Variants in DDAH1 observed in about 807,000 individuals in gnomAD.
DDAH1 encodes dimethylarginine dimethylaminohydrolase 1, also known as N(G),N(G)-dimethylarginine dimethylaminohydrolase 1.
DDAH1 carries 19 observed loss-of-function variants against 28.8 expected under a neutral mutation model. That is an observed-to-expected ratio of 0.66 (90% CI 0.46 to 0.97). DDAH1 has a LOEUF of 0.97. Ranked by LOEUF, DDAH1 falls within the 50% of genes least tolerant of loss-of-function variation. The pLI is 0.00. For synonymous variants in DDAH1, 153 were observed against 154.4 expected (o/e 0.99, Z 0.07); for missense variants, 326 against 375.9 (o/e 0.87, Z 1.10).
At chr1:85,509,058 T>A (rs557727257) in intron 1 of DDAH1, among the ~76,000 whole-genome samples, 71 of 152,314 alleles carry the variant, frequency 4.7e-4, no homozygotes, top group Admixed American at 9.2e-4. Context: ...CTGGGAGACA[T>A]CTCCTAGTAG....
At chr1:85,336,827 A>G (rs147118077) in intron 4 of DDAH1, among the ~76,000 whole-genome samples, 16 of 152,218 alleles carry the variant, frequency 1.1e-4, no homozygotes, top group African/African-American at 3.9e-4. Flanking sequence ...AAGAGGAGGG[A>G]ATTCTTCCTA....
chr1:85,379,062 C>T (rs1650834101), intron 1 of DDAH1, among the ~76,000 whole-genome samples: 1 of 152,212 alleles, frequency 6.6e-6, no homozygotes, highest in East Asian at 1.9e-4. Flanking sequence ...TGCTCCATTA[C>T]AAGTGAATAC....
chr1:85,323,240 CAAA>C (rs372601589), intron 5 of DDAH1, among the ~76,000 whole-genome samples: 2 of 145,452 alleles, frequency 1.4e-5, no homozygotes, highest in Admixed American at 1.4e-4. Flanking sequence ...AAGCTTAAGA[CAAA>C]AAAAAAAGAT....
chr1:85,448,810 C>T (rs1030460495), intron 1 of DDAH1, among the ~76,000 whole-genome samples: 1 of 152,144 alleles, frequency 6.6e-6, no homozygotes, highest in African/African-American at 2.4e-5. Flanking sequence ...TTTAATTAAA[C>T]ACAGTGAAAT....
At chr1:85,557,898 T>TA (rs138932749) in intron 1 of DDAH1, among the ~76,000 whole-genome samples, 9,066 of 152,244 alleles carry the variant, frequency 0.06, 862 homozygotes, top group African/African-American at 0.21. Context: ...ACTCTGCTGA[T>TA]ACCTTGATCT....
intron 1 of DDAH1, among the ~76,000 whole-genome samples, chr1:85,385,220 G>A (rs1401427579): frequency 6.6e-6 from 1 of 152,216 alleles, no homozygotes; most frequent in Non-Finnish European, 1.5e-5. Flanking sequence ...CTGGCACAGA[G>A]TAAAGCAGCT....
intron 1 of DDAH1, among the ~76,000 whole-genome samples, chr1:85,502,735 T>C (rs1466235885): frequency 6.6e-6 from 1 of 152,130 alleles, no homozygotes; most frequent in Non-Finnish European, 1.5e-5. Context: ...GGCCAGGCAG[T>C]TTCTCACTGA....
At chr1:85,564,222 A>T (rs554997496) in intron 1 of DDAH1, among the ~76,000 whole-genome samples, 6 of 152,120 alleles carry the variant, frequency 3.9e-5, no homozygotes, top group Non-Finnish European at 8.8e-5. Context: ...GAGATAAAAA[A>T]ATATATATAA....
At chr1:85,538,751 C>T (rs1339944704) in intron 1 of DDAH1, among the ~76,000 whole-genome samples, 4 of 152,126 alleles carry the variant, frequency 2.6e-5, no homozygotes, top group Admixed American at 2.0e-4. Flanking sequence ...CAGTCAAATG[C>T]CAAGAGAGAT....
Position 85,454,748 on chromosome 1 carries a change from T to C in DDAH1, c.303+9995A>G, listed in dbSNP as rs553267793. 5.9e-5 allele frequency among the ~76,000 whole-genome samples: 9 copies of C among 152,282 alleles called. No homozygotes were observed. In the South Asian group the frequency reaches 1.9e-3, roughly 32 times the overall value. ...AAAGATCTGGTCATGACCCACTAAA[T>C]TGATTTCATGACCCACTAGTGGGTA... On this transcript the variant is annotated intron_variant, in intron 1 of 5. Coordinates refer to ENST00000284031, the MANE Select transcript of DDAH1 (RefSeq NM_012137.4).
chr1:85,453,161 T>C (rs1654740935), intron 1 of DDAH1, among the ~76,000 whole-genome samples: 2 of 152,202 alleles, frequency 1.3e-5, no homozygotes, highest in Admixed American at 6.5e-5. Context: ...TGTGTGTTTT[T>C]TGGCATTTAC....
chr1:85,543,195 T>C (rs557686465), intron 1 of DDAH1, among the ~76,000 whole-genome samples: 1 of 152,342 alleles, frequency 6.6e-6, no homozygotes, highest in East Asian at 1.9e-4. Flanking sequence ...TCCATTGGTT[T>C]CTATTTCCTC....
chr1:85,538,032 A>C (rs1245490264), intron 1 of DDAH1, among the ~76,000 whole-genome samples: 1 of 152,144 alleles, frequency 6.6e-6, no homozygotes, highest in Non-Finnish European at 1.5e-5. Context: ...CCTCATCAGC[A>C]GGAAAATAAA....
At chr1:85,414,561 C>T (rs956855284) in intron 1 of DDAH1, among the ~76,000 whole-genome samples, 16 of 152,090 alleles carry the variant, frequency 1.1e-4, no homozygotes, top group African/African-American at 3.9e-4. Context: ...ATAAAGAATT[C>T]CTCTGAAAAA....
intron 1 of DDAH1, among the ~76,000 whole-genome samples, chr1:85,548,579 A>G (rs1658696480): frequency 6.6e-6 from 1 of 152,218 alleles, no homozygotes; most frequent in Non-Finnish European, 1.5e-5. Context: ...GATAAAGAGT[A>G]GCTTCAGAAT....
upstream of DDAH1, among the ~76,000 whole-genome samples, chr1:85,467,931 T>A (rs931477176): frequency 2.0e-5 from 3 of 152,146 alleles, no homozygotes; most frequent in Non-Finnish European, 4.4e-5. Context: ...GAGGTATAGA[T>A]AACAAAGTGC....
chr1:85,340,394 A>AC (rs1354900116), intron 4 of DDAH1, among the ~76,000 whole-genome samples: 2 of 152,176 alleles, frequency 1.3e-5, no homozygotes, highest in Non-Finnish European at 2.9e-5. Flanking sequence ...CAAAAATTCT[A>AC]CCAAAGGCAC....
rs1056451811 is a variant in DDAH1, at chr1:85,450,346, C to T, written c.303+14397G>A. On this transcript the variant is annotated intron_variant, in intron 1 of 5. Transcript: ENST00000284031. ...AAACCTGTATCAAAAGTTTTTTTGG[C>T]CAAGTTCACCTTGCTAATAAGTGGT... is the stretch of plus-strand genomic sequence containing the variant. Among the ~76,000 whole-genome samples the T allele has an allele frequency of 2.7e-5, 4 of 150,864 alleles. No homozygotes were observed. The East Asian group carries it at 7.7e-4, about 29-fold the overall frequency.
intron 1 of DDAH1, among the ~76,000 whole-genome samples, chr1:85,540,551 C>T (rs1490076337): frequency 6.6e-6 from 1 of 152,186 alleles, no homozygotes; most frequent in African/African-American, 2.4e-5. Flanking sequence ...GAGTATGCTT[C>T]TTCAAGACCT....
Sources: gnomAD v4.1 joint callset for allele counts (sites outside exome capture counted in the v4.1 genomes callset) on GRCh38, gnomAD v4.1.1 for gene constraint, MANE v1.5 for transcripts, NCBI Gene and HGNC (gene_info 2026-07-23, HGNC 2026-07-21) for gene names.